The following SLX9 variants were observed in gnomAD, a reference collection of about 807,000 sequenced individuals.
SLX9 encodes SLX9 ribosome biogenesis factor.
In SLX9, 19 loss-of-function variants were observed where a neutral mutation model predicts 20.8. That is an observed-to-expected ratio of 0.91 (90% confidence interval 0.64 to 1.34). SLX9 has a LOEUF of 1.34. Among genes scored for constraint, SLX9 ranks in the 40% most tolerant of loss-of-function variants. The pLI, the probability that SLX9 is intolerant of heterozygous loss-of-function variation, is 0.00. For missense variants in SLX9, 299 were observed against 322.2 expected (o/e 0.93, Z 0.55); for synonymous variants, 113 against 137.1 (o/e 0.82, Z 1.23).
At chr21:44,956,373 A>C (rs1230644752) in intron 2 of SLX9, among the ~76,000 whole-genome samples, 1 of 152,078 alleles carries the variant, frequency 6.6e-6, no homozygotes, top group Non-Finnish European at 1.5e-5. Flanking sequence ...TTGTGTATAG[A>C]GTGAGACGGA....
intron 4 of SLX9, 68 bp downstream of exon 4, chr21:44,967,249 A>G (rs1257164404): frequency 2.6e-6 from 4 of 1,510,628 alleles, no homozygotes; most frequent in Non-Finnish European, 2.6e-6. Flanking sequence ...GTGGAGGGAT[A>G]TGAGTGGGAG....
rs550577967 is a variant in SLX9, at chr21:44,945,853, C to G, written c.283+2016C>G. On this transcript the variant is annotated intron_variant, in intron 2 of 5. Coordinates refer to ENST00000291634, the MANE Select transcript of SLX9 (RefSeq NM_058190.4). ...AGCCTCCTGAGTAGCGGGGACGGGA[C>G]AACAGGCACATGCCACCACGCCCAG... is the stretch of plus-strand genomic sequence containing the variant. Among the ~76,000 whole-genome samples, 7 of 152,342 alleles carry G rather than the reference C, an allele frequency of 4.6e-5. No individual in the cohort carries two copies. In the South Asian group the frequency reaches 1.4e-3, roughly 32 times the overall value.
At chr21:44,966,044 G>A (rs945723659) in intron 3 of SLX9, among the ~76,000 whole-genome samples, 3 of 152,212 alleles carry the variant, frequency 2.0e-5, no homozygotes, top group Non-Finnish European at 4.4e-5. Flanking sequence ...GGACCCAGAG[G>A]AAGGGTGGTC....
rs1006303622 is a variant in SLX9 at position 44,946,321 on chromosome 21, C to T, written c.283+2484C>T. Among the ~76,000 whole-genome samples, 5 of 152,146 alleles carry T rather than the reference C, an allele frequency of 3.3e-5. 1 individual carries two copies. Among genetic ancestry groups the T allele is most frequent in the African/African-American group, 9.7e-5 (4 of 41,406 alleles). On this transcript the variant is annotated intron_variant, in intron 2 of 5. Transcript: ENST00000291634. ...GTGCTGACGGGACTGTAGCGTGGCC[C>T]GTTCTGGCGCTCCCCAGCCCTGAGC...
At chr21:44,946,403 C>G (rs1010194121) in intron 2 of SLX9, among the ~76,000 whole-genome samples, 7 of 150,228 alleles carry the variant, frequency 4.7e-5, no homozygotes, top group African/African-American at 1.8e-4. Context: ...GCAGGTGTTT[C>G]CCATAGCCCG....
intron 5 of SLX9, among the ~76,000 whole-genome samples, chr21:44,974,165 A>G (rs911371933): frequency 3.3e-5 from 5 of 152,156 alleles, no homozygotes; most frequent in African/African-American, 1.2e-4. Context: ...CCCTTGTAAG[A>G]TGGTTTTAGT....
intron 2 of SLX9, among the ~76,000 whole-genome samples, chr21:44,953,126 G>A (rs960252204): frequency 2.6e-5 from 4 of 152,214 alleles, no homozygotes; most frequent in Admixed American, 1.3e-4. Context: ...GGCCCAGGCC[G>A]AGCCTGTGCA....
At chr21:44,969,294 C>A in intron 4 of SLX9, 1 of 442,610 alleles carries the variant, frequency 2.3e-6, no homozygotes, top group South Asian at 1.6e-5. Flanking sequence ...ATGTGATGAC[C>A]GAACATTCCT....
At chr21:44,949,631 C>T (rs2084716586) in intron 2 of SLX9, among the ~76,000 whole-genome samples, 1 of 152,204 alleles carries the variant, frequency 6.6e-6, no homozygotes, top group South Asian at 2.1e-4. Flanking sequence ...GGCAGCCACT[C>T]CTGCCGCTTC....
chr21:44,974,668 C>T (rs910978286), intron 5 of SLX9, among the ~76,000 whole-genome samples: 16 of 152,192 alleles, frequency 1.1e-4, no homozygotes, highest in Non-Finnish European at 1.2e-4. Context: ...TGGGCTGCAG[C>T]GATCCTCCTG....
At chr21:44,968,084 C>T (rs866441296) in intron 4 of SLX9, among the ~76,000 whole-genome samples, 4 of 151,752 alleles carry the variant, frequency 2.6e-5, no homozygotes, top group Admixed American at 6.5e-5. Flanking sequence ...GCCTGGACCC[C>T]AGTGGGGCCC....
intron 4 of SLX9, among the ~76,000 whole-genome samples, chr21:44,968,770 T>G (rs78413547): frequency 2.0e-5 from 3 of 150,876 alleles, no homozygotes; most frequent in Non-Finnish European, 3.0e-5. Flanking sequence ...TTTTTTTTTT[T>G]GGAGACGGAG....
At chr21:44,942,952 A>G (rs892401969) in intron 1 of SLX9, among the ~76,000 whole-genome samples, 1 of 152,158 alleles carries the variant, frequency 6.6e-6, no homozygotes, top group Non-Finnish European at 1.5e-5. Context: ...GGGGGTTAAT[A>G]TGCCCTCTTG....
intron 1 of SLX9, 101 bp from the exon 2 acceptor site, chr21:44,943,582 AG>A (rs1270863233): frequency 2.6e-5 from 38 of 1,477,134 alleles, no homozygotes; most frequent in Non-Finnish European, 3.2e-5. Flanking sequence ...TGGGGAATCC[AG>A]GTTCTTGTCT....
At chr21:44,942,173 C>T (rs977654455) in intron 1 of SLX9, among the ~76,000 whole-genome samples, 2 of 152,202 alleles carry the variant, frequency 1.3e-5, no homozygotes, top group Non-Finnish European at 2.9e-5. Flanking sequence ...GAAAAGCAGT[C>T]GTCTGCCGTA....
At chr21:44,969,180 G>T (rs776725127) in intron 4 of SLX9, 2 of 470,640 alleles carry the variant, frequency 4.2e-6, no homozygotes, top group South Asian at 3.1e-5. Flanking sequence ...AGGCTCGAGG[G>T]TGGCAGGTCA....
chr21:44,974,099 C>G (rs570816365), intron 5 of SLX9, among the ~76,000 whole-genome samples: 2 of 152,372 alleles, frequency 1.3e-5, no homozygotes, highest in South Asian at 4.1e-4. Flanking sequence ...CACGCACGCT[C>G]TCTTGCCTCT....
At chr21:44,945,512 C>T (rs551127309) in intron 2 of SLX9, among the ~76,000 whole-genome samples, 17 of 152,202 alleles carry the variant, frequency 1.1e-4, no homozygotes, top group Non-Finnish European at 2.4e-4. Context: ...CCCAAGGTCA[C>T]CTGCTGCACT....
intron 3 of SLX9, among the ~76,000 whole-genome samples, chr21:44,961,629 A>G (rs2084950858): frequency 6.6e-6 from 1 of 152,176 alleles, no homozygotes. Flanking sequence ...CTCAATCTTC[A>G]TATGTTAGTT....
Sources: allele counts gnomAD v4.1 joint callset (sites outside exome capture counted in the v4.1 genomes callset), GRCh38; gene constraint gnomAD v4.1.1; transcripts MANE v1.5; gene names NCBI Gene and HGNC (gene_info 2026-07-23, HGNC 2026-07-21).